ARF3: variants seen among roughly 807,000 people sequenced by gnomAD.
ARF3 encodes the protein ADP-ribosylation factor 3.
In ARF3, 5 loss-of-function variants were observed where a neutral mutation model predicts 19.3. That is an observed-to-expected ratio of 0.26 (90% CI 0.14 to 0.54). ARF3 has a LOEUF of 0.54. ARF3 is among the 20% of genes least tolerant of loss of function. The pLI, the probability that ARF3 is intolerant of heterozygous loss-of-function variation, is 0.95. For missense variants in ARF3, 77 were observed against 234.2 expected (o/e 0.33, Z 4.38); for synonymous variants, 71 against 89.2 (o/e 0.80, Z 1.15).
At chr12:48,956,500 T>C (rs1257846214) in intron 1 of ARF3, 2 of 152,220 alleles carry the variant, frequency 1.3e-5, no homozygotes, top group South Asian at 4.1e-4. Flanking sequence ...GCGTAAGCAA[T>C]GGCTCCATTT....
At chr12:48,944,783 TAGA>T (rs1940326612) in intron 1 of ARF3, among the ~76,000 whole-genome samples, 1 of 152,234 alleles carries the variant, frequency 6.6e-6, no homozygotes, top group Middle Eastern at 3.2e-3. Flanking sequence ...ATAAAAGGAC[TAGA>T]AGACTAGAAT....
rs533261581 is a variant in ARF3 at position 48,952,250 on chromosome 12, C to A, written c.-94+5060G>T. ...GAAGAAGGATCCCGAACCGCCCTGT[C>A]TGATGGAGACCCAAAACGCCTGGGA... On this transcript the variant is annotated intron_variant, in intron 1 of 4. Coordinates refer to ENST00000256682, the MANE Select transcript of ARF3 (RefSeq NM_001659.3). Among the ~76,000 whole-genome samples, 3 of 152,324 alleles carry A rather than the reference C, an allele frequency of 2.0e-5. No homozygotes were observed. The East Asian group carries it at 5.8e-4, about 29-fold the overall frequency.
rs1940153611 is a variant in ARF3, at chr12:48,936,884, G to C, written c.*2063C>G. 1 of 152,214 alleles carries C rather than the reference G, an allele frequency of 6.6e-6. No individual in the cohort carries two copies. 9.4% of individuals were successfully genotyped at this position (152,214 alleles called of 1,614,324 possible). Reference sequence around the variant, plus strand: ...AGTTCAAGGAAGGAGAGGCAATGGGGCAAGACAAAATAAATCTGAGGAAAC... The same window carrying C: ...AGTTCAAGGAAGGAGAGGCAATGGGCCAAGACAAAATAAATCTGAGGAAAC... On this transcript the variant is annotated 3_prime_UTR_variant, in exon 5 of 5. Transcript: ENST00000256682.
At chr12:48,942,891 G>C (rs1592240066) in intron 1 of ARF3, among the ~76,000 whole-genome samples, 5 of 152,312 alleles carry the variant, frequency 3.3e-5, no homozygotes, top group Admixed American at 3.3e-4. Flanking sequence ...TGGATCACCT[G>C]AGGTCAGGAG....
intron 1 of ARF3, among the ~76,000 whole-genome samples, chr12:48,954,917 G>C (rs1940533647): frequency 6.6e-6 from 1 of 152,194 alleles, no homozygotes; most frequent in Admixed American, 6.5e-5. Flanking sequence ...TACTTGAGAA[G>C]CTGAAGTACA....
chr12:48,951,607 C>T (rs1323850971), intron 1 of ARF3, among the ~76,000 whole-genome samples: 3 of 151,700 alleles, frequency 2.0e-5, no homozygotes, highest in East Asian at 1.9e-4. Context: ...AGGCCGGGCG[C>T]GGTGGCTCAT....
intron 1 of ARF3, among the ~76,000 whole-genome samples, chr12:48,948,599 T>C (rs1033448724): frequency 6.6e-6 from 1 of 151,790 alleles, no homozygotes; most frequent in African/African-American, 2.4e-5. Flanking sequence ...GATCACAAGG[T>C]CAGAAGATCA....
Position 48,939,073 on chromosome 12 carries a change from T to C in ARF3, c.420A>G (p.Thr140=). The change falls in exon 5 of 5, where the codon ACA becomes ACG. Residue 140 remains threonine (T), a synonymous_variant. Transcript: ENST00000256682. The surrounding 1 kb of genome is among the most constrained non-coding windows in gnomAD (Gnocchi z 4.8). ...GAAGGGAATGCAGGCCCAGCTTGTC[T>C]GTGATCTCAGCAGCGTTCATAGCAT... is the stretch of plus-strand genomic sequence containing the variant. The part of the protein sequence containing the change: ...LPNAMNAAEI[T]DKLGLHSLRH... 6.2e-7 allele frequency: 1 copy of C among 1,614,164 alleles called. No homozygotes were observed. The highest frequency in any genetic ancestry group is 8.5e-7 in the Non-Finnish European group (1 of 1,180,032).
Position 48,939,242 on chromosome 12 carries a change from T to G in ARF3, c.385-134A>C. The stretch of plus-strand genomic sequence containing the variant: ...TTTTAGGAAACCCAGAACAAGATCC[T>G]AAGGAGCTACTTTGGATTTAGTCAC... On this transcript the variant is annotated intron_variant, in intron 4 of 4. Coordinates refer to ENST00000256682, the MANE Select transcript of ARF3 (RefSeq NM_001659.3). The surrounding 1 kb of genome is among the most constrained non-coding windows in gnomAD (Gnocchi z 4.8). The G allele has an allele frequency of 5.8e-6, 6 of 1,037,688 alleles. No individual in the cohort carries two copies. Among genetic ancestry groups the G allele is most frequent in the African/African-American group, 1.6e-5 (1 of 62,090 alleles). The allele number at this position is 1,037,688 out of a possible 1,614,324, so 64.3% of individuals were successfully genotyped here.
rs1037247821 is a variant in ARF3, at chr12:48,950,319, T to G, written c.-94+6991A>C. On this transcript the variant is annotated intron_variant, in intron 1 of 4. Coordinates refer to ENST00000256682, the MANE Select transcript of ARF3 (RefSeq NM_001659.3). ...CGAGCAATCCTCCCACTTCAGCCTC[T>G]GGAGTAGCTGGGACTACAGGCATGC... 2.0e-5 allele frequency among the ~76,000 whole-genome samples: 3 copies of G among 151,184 alleles called. No individual in the cohort carries two copies. The East Asian group carries it at 5.9e-4, about 30-fold the overall frequency.
intron 1 of ARF3, among the ~76,000 whole-genome samples, chr12:48,955,041 A>G (rs1168187168): frequency 6.6e-6 from 1 of 152,148 alleles, no homozygotes; most frequent in Non-Finnish European, 1.5e-5. Flanking sequence ...AATTTCCTTC[A>G]GTTACATACT....
At chr12:48,949,166 T>C (rs1940417694) in intron 1 of ARF3, among the ~76,000 whole-genome samples, 3 of 152,198 alleles carry the variant, frequency 2.0e-5, no homozygotes, top group Admixed American at 6.5e-5. Flanking sequence ...TGGGTGGCAT[T>C]TCTTCAGAAA....
chr12:48,941,440 C>G, intron 1 of ARF3: 1 of 182,806 alleles, frequency 5.5e-6, no homozygotes, highest in South Asian at 1.5e-4. Context: ...TTTTCCATAT[C>G]TGCACCTGTA....
chr12:48,941,229 T>C (rs1428117290), intron 1 of ARF3, 41 bp from the exon 2 acceptor site: 2 of 1,066,264 alleles, frequency 1.9e-6, no homozygotes, highest in Non-Finnish European at 2.7e-6. Flanking sequence ...CATTTGCTTG[T>C]CAGGACTTCC....
Position 48,938,466 on chromosome 12 carries a change from A to C in ARF3, c.*481T>G. ...CCCCCACAAATATATCTCTCTATAC[A>C]TGTATATACAGGCGCACACATGCAC... On this transcript the variant is annotated 3_prime_UTR_variant, in exon 5 of 5. Coordinates refer to ENST00000256682, the MANE Select transcript of ARF3 (RefSeq NM_001659.3). 1 of 451,030 alleles carries C rather than the reference A, an allele frequency of 2.2e-6. No homozygotes were observed. The highest frequency in any genetic ancestry group is 4.4e-6 in the Non-Finnish European group (1 of 224,842). The allele number at this position is 451,030 out of a possible 1,614,324, so 27.9% of individuals were successfully genotyped here. A position where few individuals can be genotyped will look rare whatever the true frequency, so the allele number is the denominator to read the frequency against.
chr12:48,950,428 C>T (rs758600255), intron 1 of ARF3, among the ~76,000 whole-genome samples: 1 of 152,170 alleles, frequency 6.6e-6, no homozygotes, highest in African/African-American at 2.4e-5. Flanking sequence ...CTCAAGTGAT[C>T]CGCCCACCTC....
chr12:48,944,275 G>C (rs1318813789), intron 1 of ARF3, among the ~76,000 whole-genome samples: 1 of 152,210 alleles, frequency 6.6e-6, no homozygotes, highest in Non-Finnish European at 1.5e-5. Context: ...GGCTGAAAAA[G>C]ATATAACTAG....
At chr12:48,943,945 C>T (rs1940311044) in intron 1 of ARF3, among the ~76,000 whole-genome samples, 1 of 152,214 alleles carries the variant, frequency 6.6e-6, no homozygotes, top group South Asian at 2.1e-4. Flanking sequence ...GGTGGACAGA[C>T]TCCTGAGGAC....
At chr12:48,941,505 C>T (rs544091810) in intron 1 of ARF3, 1 of 156,670 alleles carries the variant, frequency 6.4e-6, no homozygotes, top group African/African-American at 2.4e-5. Flanking sequence ...TTCTGACATT[C>T]TACCCTATAC....
Sources: gnomAD v4.1 joint callset for allele counts (sites outside exome capture counted in the v4.1 genomes callset) on GRCh38, gnomAD v4.1.1 for gene constraint, Gnocchi (gnomAD v3.1) non-coding constraint, MANE v1.5 for transcripts, NCBI Gene and HGNC (gene_info 2026-07-23, HGNC 2026-07-21) for gene names.